The following MTMR7 variants were observed in gnomAD, a reference collection of about 807,000 sequenced individuals.
MTMR7 encodes the protein phosphatidylinositol-3-phosphate phosphatase MTMR7.
A neutral mutation model predicts 81.2 loss-of-function variants in MTMR7; 76 were observed. That is an observed-to-expected ratio of 0.94 (90% CI 0.78 to 1.13). MTMR7 has a LOEUF of 1.13. Among genes scored for constraint, MTMR7 ranks in the 50% most tolerant of loss-of-function variants. The probability of loss-of-function intolerance (pLI) is 0.00; values close to 1 mark genes in which losing one functional copy is unlikely to be tolerated. For missense variants in MTMR7, 1,044 were observed against 820.0 expected (o/e 1.27, Z -3.34); for synonymous variants, 372 against 289.8 (o/e 1.28, Z -2.88).
intron 1 of MTMR7, among the ~76,000 whole-genome samples, chr8:17,382,701 T>C (rs1820796371): frequency 1.3e-5 from 2 of 152,156 alleles, no homozygotes; most frequent in South Asian, 4.2e-4. Context: ...TAAGGAGACC[T>C]TGTGCAGAAA....
intron 5 of MTMR7, among the ~76,000 whole-genome samples, chr8:17,342,729 T>A (rs1819440286): frequency 6.6e-6 from 1 of 151,236 alleles, no homozygotes; most frequent in African/African-American, 2.4e-5. Flanking sequence ...ACTGAGGGGG[T>A]TAAAGGAAGC....
intron 1 of MTMR7, among the ~76,000 whole-genome samples, chr8:17,397,190 G>A (rs900466873): frequency 5.9e-5 from 9 of 151,782 alleles, no homozygotes; most frequent in African/African-American, 2.2e-4. Context: ...GAAAAAAACA[G>A]AGGGAAAAGT....
intron 3 of MTMR7, among the ~76,000 whole-genome samples, chr8:17,370,278 C>G (rs1259778408): frequency 6.6e-6 from 1 of 151,868 alleles, no homozygotes; most frequent in Admixed American, 6.6e-5. Flanking sequence ...AATCCGAGCA[C>G]TTGAGGCCGA....
At chr8:17,360,500 A>G (rs1204469593) in intron 4 of MTMR7, among the ~76,000 whole-genome samples, 1 of 151,650 alleles carries the variant, frequency 6.6e-6, no homozygotes, top group Non-Finnish European at 1.5e-5. Flanking sequence ...CCTTTTGTAA[A>G]CTATCTAGGA....
intron 1 of MTMR7, among the ~76,000 whole-genome samples, chr8:17,394,233 G>T (rs1344625068): frequency 1.3e-5 from 2 of 152,120 alleles, no homozygotes; most frequent in African/African-American, 2.4e-5. Context: ...CACACACAAA[G>T]AAATTTATAC....
chr8:17,391,683 A>ACT (rs567629260), intron 1 of MTMR7, among the ~76,000 whole-genome samples: 275 of 152,336 alleles, frequency 1.8e-3, no homozygotes, highest in Non-Finnish European at 3.2e-3. Context: ...TGTTCTAAGT[A>ACT]ATGTGTGCTT....
rs1821152960 is a variant in MTMR7 at position 17,393,107 on chromosome 8, C to G, written c.25-19867G>C. Among the ~76,000 whole-genome samples the G allele has an allele frequency of 1.3e-5, 2 of 152,024 alleles. 1 individual carries two copies. The highest frequency in any genetic ancestry group is 4.2e-4 in the South Asian group (2 of 4,804). On this transcript the variant is annotated intron_variant, in intron 1 of 13. Transcript: ENST00000180173. ...ATATTAAAGGAATAGAACTGAGAGT[C>G]CAGAAATAAATCCAAGCATCTATAA... is the stretch of plus-strand genomic sequence containing the variant.
intron 11 of MTMR7, among the ~76,000 whole-genome samples, chr8:17,305,399 T>G (rs1817384164): frequency 6.6e-6 from 1 of 152,190 alleles, no homozygotes; most frequent in African/African-American, 2.4e-5. Context: ...CTTTCCCAAT[T>G]AAATTTGCAA....
rs574736904 is a variant in MTMR7, at chr8:17,297,447, T to G, written c.*2415A>C. 6 of 150,482 alleles carry G rather than the reference T, an allele frequency of 4.0e-5. No homozygotes were observed. The South Asian group carries it at 1.3e-3, about 31-fold the overall frequency. 9.3% of individuals were successfully genotyped at this position (150,482 alleles called of 1,614,324 possible). A position where few individuals can be genotyped will look rare whatever the true frequency, so the allele number is the denominator to read the frequency against. The stretch of plus-strand genomic sequence containing the variant: ...TTTAGGAGAAGAAAGTAAACTAATG[T>G]GCTCTTAAAGAATAAAAATTTATTC... On this transcript the variant is annotated 3_prime_UTR_variant, in exon 14 of 14. Coordinates refer to ENST00000180173, the MANE Select transcript of MTMR7 (RefSeq NM_004686.5).
intron 1 of MTMR7, among the ~76,000 whole-genome samples, chr8:17,387,326 C>T (rs539314869): frequency 3.9e-5 from 6 of 152,166 alleles, no homozygotes; most frequent in African/African-American, 1.2e-4. Context: ...AGCCAGGTTA[C>T]GTGAAGTACG....
chr8:17,368,163 A>C (rs1820292541), intron 3 of MTMR7, among the ~76,000 whole-genome samples: 1 of 152,036 alleles, frequency 6.6e-6, no homozygotes, highest in African/African-American at 2.4e-5. Context: ...GATCCCTCGC[A>C]TGTACGGTTC....
intron 1 of MTMR7, among the ~76,000 whole-genome samples, chr8:17,393,737 C>T (rs1012034897): frequency 3.3e-5 from 5 of 152,136 alleles, no homozygotes; most frequent in Admixed American, 6.6e-5. Context: ...GAAATAAAAG[C>T]TAATGGATGC....
chr8:17,357,316 C>T (rs181800478), intron 4 of MTMR7, among the ~76,000 whole-genome samples: 2 of 152,294 alleles, frequency 1.3e-5, no homozygotes, highest in African/African-American at 2.4e-5. Context: ...TAGAACAGTA[C>T]CTGGCATGTA....
At chr8:17,352,352 C>T (rs1012305710) in intron 4 of MTMR7, among the ~76,000 whole-genome samples, 1 of 152,084 alleles carries the variant, frequency 6.6e-6, no homozygotes, top group Non-Finnish European at 1.5e-5. Flanking sequence ...TAAGATTAGT[C>T]TCTTCAACAG....
chr8:17,356,526 C>A (rs987315700), intron 4 of MTMR7, among the ~76,000 whole-genome samples: 1 of 151,872 alleles, frequency 6.6e-6, no homozygotes, highest in Non-Finnish European at 1.5e-5. Context: ...TGGTGAAATA[C>A]CATCTCTACT....
intron 6 of MTMR7, among the ~76,000 whole-genome samples, chr8:17,337,792 G>GT (rs1259984771): frequency 3.9e-5 from 6 of 152,106 alleles, no homozygotes; most frequent in East Asian, 3.9e-4. Flanking sequence ...ATTTTTTTCT[G>GT]TTTTTTGTAG....
chr8:17,310,104 G>C (rs112787389), intron 9 of MTMR7, among the ~76,000 whole-genome samples: 1 of 151,978 alleles, frequency 6.6e-6, no homozygotes, highest in Non-Finnish European at 1.5e-5. Flanking sequence ...GAGCTCGAGC[G>C]ATCCTCCCAC....
chr8:17,315,621 C>T (rs1252640616), intron 7 of MTMR7, among the ~76,000 whole-genome samples: 1 of 152,122 alleles, frequency 6.6e-6, no homozygotes, highest in Admixed American at 6.6e-5. Flanking sequence ...GAATCTAAAA[C>T]TGCTCTTAAA....
At chr8:17,406,487 A>G (rs1325820481) in intron 1 of MTMR7, among the ~76,000 whole-genome samples, 1 of 152,208 alleles carries the variant, frequency 6.6e-6, no homozygotes, top group Non-Finnish European at 1.5e-5. Flanking sequence ...AACAATGACA[A>G]GTGTCAGTGA....
Sources: allele counts gnomAD v4.1 joint callset (sites outside exome capture counted in the v4.1 genomes callset), GRCh38; gene constraint gnomAD v4.1.1; transcripts MANE v1.5; gene names NCBI Gene and HGNC (gene_info 2026-07-23, HGNC 2026-07-21).